Variants in PCDH15 observed in about 807,000 individuals in gnomAD.
The protein encoded by PCDH15 is protocadherin-15.
In PCDH15, 129 loss-of-function variants were observed where a neutral mutation model predicts 178.5. That is an observed-to-expected ratio of 0.72 (90% CI 0.63 to 0.84). The LOEUF is 0.84. PCDH15 is among the 40% of genes least tolerant of loss of function. The probability of loss-of-function intolerance (pLI) is 0.00; values close to 1 mark genes in which losing one functional copy is unlikely to be tolerated. For synonymous variants in PCDH15, 800 were observed against 732.0 expected (o/e 1.09, Z -1.50); for missense variants, 2,230 against 2,099.9 (o/e 1.06, Z -1.21).
intron 13 of PCDH15, among the ~76,000 whole-genome samples, chr10:54,179,067 G>A (rs1313411171): frequency 6.6e-6 from 1 of 152,102 alleles, no homozygotes; most frequent in Non-Finnish European, 1.5e-5. Context: ...CCCATTACTG[G>A]ATATATACCC....
intron 21 of PCDH15, among the ~76,000 whole-genome samples, chr10:53,978,340 T>C (rs577211280): frequency 6.6e-6 from 1 of 152,298 alleles, no homozygotes; most frequent in African/African-American, 2.4e-5. Context: ...CAACACCACA[T>C]GGAAGCTGCC....
chr10:54,486,907 T>C (rs1565398430), intron 3 of PCDH15, among the ~76,000 whole-genome samples: 1 of 152,028 alleles, frequency 6.6e-6, no homozygotes, highest in South Asian at 2.1e-4. Context: ...GATTAAGGAT[T>C]AGACCGTGGC....
chr10:53,872,501 T>C (rs758250923), intron 26 of PCDH15, among the ~76,000 whole-genome samples: 10 of 152,206 alleles, frequency 6.6e-5, no homozygotes, highest in Non-Finnish European at 1.5e-4. Flanking sequence ...TGCTTTATCA[T>C]AGAAGTCAGA....
chr10:55,133,203 C>T (rs1021198418), intron 2 of PCDH15, among the ~76,000 whole-genome samples: 1 of 152,112 alleles, frequency 6.6e-6, no homozygotes, highest in Non-Finnish European at 1.5e-5. Flanking sequence ...TATAGAAAAG[C>T]TGGCTCTGAT....
intron 2 of PCDH15, among the ~76,000 whole-genome samples, chr10:55,467,966 CAAAAAAA>C (rs71463104): frequency 0.028 from 1,023 of 36,616 alleles, 23 homozygotes; most frequent in Middle Eastern, 0.17. Flanking sequence ...GACTCCGTCT[CAAAAAAA>C]AAAAAAAAAA....
At chr10:55,560,044 T>C (rs987129413) in intron 2 of PCDH15, among the ~76,000 whole-genome samples, 1 of 151,988 alleles carries the variant, frequency 6.6e-6, no homozygotes, top group Non-Finnish European at 1.5e-5. Context: ...TTAAGAGTTA[T>C]ATTAAAATAA....
At position 55,553,501 on chromosome 10, in the gene PCDH15, T is replaced by C. The variant is rs916342483; in HGVS notation, c.-156+74124A>G. 2.6e-5 allele frequency among the ~76,000 whole-genome samples: 4 copies of C among 151,970 alleles called. No individual in the cohort carries two copies. In the South Asian group the frequency reaches 8.3e-4, roughly 31 times the overall value. The stretch of plus-strand genomic sequence containing the variant: ...TTCATCATAAAAACATTAAAAATAC[T>C]ATTTTTAATGAATATTCATTGTCAT... On this transcript the variant is annotated intron_variant, in intron 2 of 5. Coordinates refer to the PCDH15 transcript ENST00000613346.
At chr10:54,931,661 A>C (rs1275252318) in intron 2 of PCDH15, among the ~76,000 whole-genome samples, 1 of 152,204 alleles carries the variant, frequency 6.6e-6, no homozygotes, top group Non-Finnish European at 1.5e-5. Context: ...AAATAAAGAC[A>C]CATCTGCTAG....
chr10:54,336,775 C>T (rs947412869), intron 6 of PCDH15, among the ~76,000 whole-genome samples: 14 of 152,204 alleles, frequency 9.2e-5, no homozygotes, highest in Admixed American at 2.0e-4. Context: ...TTGCCACTGG[C>T]GCACTGCCTA....
chr10:55,285,327 A>G (rs1262193283), intron 1 of PCDH15, among the ~76,000 whole-genome samples: 1 of 151,302 alleles, frequency 6.6e-6, no homozygotes, highest in African/African-American at 2.4e-5. Context: ...CACACATAAA[A>G]TCAACTAATT....
intron 2 of PCDH15, among the ~76,000 whole-genome samples, chr10:55,011,554 A>AT (rs1468773447): frequency 6.6e-6 from 1 of 152,104 alleles, no homozygotes; most frequent in Non-Finnish European, 1.5e-5. Flanking sequence ...TTGACTTAAG[A>AT]TTTTACATAC....
At chr10:55,571,263 C>T (rs1046285601) in intron 2 of PCDH15, among the ~76,000 whole-genome samples, 1 of 152,006 alleles carries the variant, frequency 6.6e-6, no homozygotes, top group African/African-American at 2.4e-5. Flanking sequence ...TGAGGCCTCA[C>T]CAGGAGCAGA....
chr10:55,236,170 T>C (rs1231120988), intron 1 of PCDH15, among the ~76,000 whole-genome samples: 1 of 152,000 alleles, frequency 6.6e-6, no homozygotes, highest in African/African-American at 2.4e-5. Context: ...ATAGCTTGAT[T>C]TAAATGAAGT....
Position 54,162,050 on chromosome 10 carries a change from C to T in PCDH15, c.1591-8757G>A, listed in dbSNP as rs528788720. ...GTAAATTATACCTTAATAAAGTTATCGAAAATAACAAAGATAATTCCACCC... is the reference window on the plus strand; with the variant it reads ...GTAAATTATACCTTAATAAAGTTATTGAAAATAACAAAGATAATTCCACCC... On this transcript the variant is annotated intron_variant, in intron 13 of 37. Coordinates refer to ENST00000644397, the MANE Select transcript of PCDH15 (RefSeq NM_001384140.1). Among the ~76,000 whole-genome samples the T allele has an allele frequency of 2.4e-3, 363 of 152,106 alleles. 3 individuals are homozygous for T. Among genetic ancestry groups the T allele is most frequent in the African/African-American group, 6.1e-3 (254 of 41,490 alleles).
rs777147348 is a variant in PCDH15 at position 53,806,985 on chromosome 10, G to T, written c.4817C>A (p.Ala1606Glu). The change falls in exon 38 of 38, where the codon GCA becomes GAA. Residue 1606 changes from alanine (A) to glutamate (E), a missense_variant. By Grantham distance (107) the Ala-to-Glu change is moderately radical. Coordinates refer to ENST00000644397, the MANE Select transcript of PCDH15 (RefSeq NM_001384140.1). The part of the protein sequence containing the change: ...HSNINGNIYI[A>E]QNGSVVRTRR... ...GGTTCTCACCACAGAACCATTCTGT[G>T]CAATATATATATTGCCGTTGATATT... The T allele has an allele frequency of 1.2e-6, 2 of 1,613,760 alleles. No individual in the cohort carries two copies. Among genetic ancestry groups the T allele is most frequent in the East Asian group, 2.2e-5 (1 of 44,866 alleles).
intron 11 of PCDH15, among the ~76,000 whole-genome samples, chr10:54,194,083 A>C (rs1322592079): frequency 6.7e-6 from 1 of 150,278 alleles, no homozygotes; most frequent in African/African-American, 2.5e-5. Flanking sequence ...AAAAGCTAGA[A>C]TGGAAAAAGA....
rs1411608924 is a variant in PCDH15 at position 53,806,709 on chromosome 10, T to C, written c.5093A>G (p.Gln1698Arg). ...LRNRLKSTVE[Q>R]ESMIDSKNIK... ...GTTCTTACTGTCAATCATGGACTCC[T>C]GTTCAACTGTGCTTTTCAGCCTGTT... Residue 1698 changes from glutamine to arginine, a missense_variant, in exon 38 of 38, where the codon CAG becomes CGG. Gln to Arg is a conservative substitution (Grantham distance 43). Coordinates refer to ENST00000644397, the MANE Select transcript of PCDH15 (RefSeq NM_001384140.1). 5.0e-6 allele frequency: 8 copies of C among 1,613,914 alleles called. No individual in the cohort carries two copies. Among genetic ancestry groups the C allele is most frequent in the East Asian group, 2.2e-5 (1 of 44,878 alleles).
At chr10:54,825,603 T>G (rs975578439) in intron 3 of PCDH15, among the ~76,000 whole-genome samples, 2 of 150,430 alleles carry the variant, frequency 1.3e-5, no homozygotes, top group African/African-American at 4.9e-5. Context: ...GTGGTTTTGA[T>G]TTGCATTTCT....
At chr10:55,221,212 A>C (rs182844740) in intron 1 of PCDH15, among the ~76,000 whole-genome samples, 1 of 152,228 alleles carries the variant, frequency 6.6e-6, no homozygotes, top group Admixed American at 6.5e-5. Context: ...AGGCAAAATT[A>C]GTCTATGGTG....
Sources: allele counts gnomAD v4.1 joint callset (sites outside exome capture counted in the v4.1 genomes callset), GRCh38; gene constraint gnomAD v4.1.1; transcripts MANE v1.5; gene names NCBI Gene and HGNC (gene_info 2026-07-23, HGNC 2026-07-21).